Variants in SCAP observed in about 807,000 individuals in gnomAD.
SCAP encodes SREBF chaperone, also known as sterol regulatory element-binding protein cleavage-activating protein.
Under a neutral mutation model 123.6 loss-of-function variants are expected in SCAP, and 65 were observed. That is an observed-to-expected ratio of 0.53 (90% CI 0.43 to 0.65). SCAP has a LOEUF of 0.65. Ranked by LOEUF, SCAP falls within the 30% of genes least tolerant of loss-of-function variation. SCAP has a pLI of 0.00. For synonymous variants in SCAP, 740 were observed against 726.3 expected, an observed-to-expected ratio of 1.02 and a Z score of -0.30; for missense variants, 1,398 against 1,712.5, an observed-to-expected ratio of 0.82 and a Z score of 3.24.
chr3:47,433,636 G>A (rs947065727), intron 3 of SCAP, among the ~76,000 whole-genome samples: 2 of 152,206 alleles, frequency 1.3e-5, no homozygotes, highest in Non-Finnish European at 2.9e-5. Flanking sequence ...GGAGGCTGAG[G>A]CAGGTGGATC....
chr3:47,457,636 G>A (rs1486592870), intron 1 of SCAP, among the ~76,000 whole-genome samples: 6 of 152,118 alleles, frequency 3.9e-5, no homozygotes, highest in Admixed American at 6.6e-5. Flanking sequence ...GGCCGGGCAC[G>A]GTGGCTCACG....
chr3:47,455,969 C>G (rs929247198), intron 1 of SCAP, among the ~76,000 whole-genome samples: 1 of 152,056 alleles, frequency 6.6e-6, no homozygotes, highest in African/African-American at 2.4e-5. Context: ...CAGGAATAGA[C>G]CAAAATGTAC....
chr3:47,438,183 A>C (rs994283787), intron 2 of SCAP, among the ~76,000 whole-genome samples: 2 of 152,258 alleles, frequency 1.3e-5, no homozygotes, highest in African/African-American at 4.8e-5. Flanking sequence ...CGCCTCTTCA[A>C]GTCTTTTGAC....
chr3:47,435,469 TACACACACACACACACACACACACAC>T (rs57702290), intron 2 of SCAP, among the ~76,000 whole-genome samples: 12 of 91,910 alleles, frequency 1.3e-4, no homozygotes, highest in East Asian at 5.7e-4. Flanking sequence ...AATATAAACA[TACACACACACACACACACACACACAC>T]ACACACACAC....
chr3:47,436,413 A>G lies in SCAP; in HGVS notation c.123-1276T>C, dbSNP rs184298880. ...TTGGGAGAGGCCAAGCGGGCGGATC[A>G]TTTGAGCTCAGGAGTTTGAGACCAG... On this transcript the variant is annotated intron_variant, in intron 2 of 22. Transcript: ENST00000265565. Among the ~76,000 whole-genome samples, 12 of 152,326 alleles carry G rather than the reference A, an allele frequency of 7.9e-5. No homozygotes were observed. In the East Asian group the frequency reaches 2.3e-3, roughly 29 times the overall value.
chr3:47,467,595 C>T (rs987542231), intron 1 of SCAP, among the ~76,000 whole-genome samples: 1 of 151,246 alleles, frequency 6.6e-6, no homozygotes, highest in East Asian at 1.9e-4. Context: ...GCAAGAAGAC[C>T]CCGTCTCAAG....
chr3:47,454,769 C>CAT (rs946597351), intron 1 of SCAP, among the ~76,000 whole-genome samples: 11 of 151,444 alleles, frequency 7.3e-5, no homozygotes, highest in African/African-American at 1.2e-4. Flanking sequence ...AAAAAATACA[C>CAT]ATATATATAT....
intron 18 of SCAP, among the ~76,000 whole-genome samples, chr3:47,416,601 T>G (rs1705583119): frequency 7.0e-6 from 1 of 143,802 alleles, no homozygotes; most frequent in South Asian, 2.2e-4. Flanking sequence ...TCCAAGCACG[T>G]CACACCCCTA....
In SCAP at chr3:47,465,409, C is replaced by T. The variant is rs1707786270; in HGVS notation, c.-99+10390G>A. 2.6e-5 allele frequency among the ~76,000 whole-genome samples: 4 copies of T among 152,084 alleles called. No individual in the cohort carries two copies. In the South Asian group the frequency reaches 8.3e-4, roughly 32 times the overall value. On this transcript the variant is annotated intron_variant, in intron 1 of 22. Coordinates refer to ENST00000265565, the MANE Select transcript of SCAP (RefSeq NM_012235.4). ...TGGGAAGACAATATTCTTTAAATGA[C>T]AACGTTATCCAAAGCTATCTACAAA... is the stretch of plus-strand genomic sequence containing the variant.
intron 1 of SCAP, among the ~76,000 whole-genome samples, chr3:47,447,659 A>G (rs1431180385): frequency 6.6e-6 from 1 of 151,876 alleles, no homozygotes; most frequent in Non-Finnish European, 1.5e-5. Context: ...ATTGCACTCC[A>G]GCCTGGGCAA....
chr3:47,415,779 A>G (rs1055421976), intron 18 of SCAP, among the ~76,000 whole-genome samples: 1 of 152,202 alleles, frequency 6.6e-6, no homozygotes, highest in Non-Finnish European at 1.5e-5. Context: ...GGGAAAGGCA[A>G]TGCATGTCTG....
At chr3:47,437,644 TA>T (rs1706635114) in intron 2 of SCAP, among the ~76,000 whole-genome samples, 1 of 151,426 alleles carries the variant, frequency 6.6e-6, no homozygotes. Flanking sequence ...TCGGGAGGCT[TA>T]AGTGGGAGGA....
intron 2 of SCAP, among the ~76,000 whole-genome samples, chr3:47,436,562 G>C (rs541888643): frequency 6.6e-6 from 1 of 152,146 alleles, no homozygotes; most frequent in South Asian, 2.1e-4. Flanking sequence ...CTGGGAGGTA[G>C]AGGCTGCAGT....
At chr3:47,434,511 G>A (rs1466067963) in intron 3 of SCAP, among the ~76,000 whole-genome samples, 2 of 152,202 alleles carry the variant, frequency 1.3e-5, no homozygotes, top group Non-Finnish European at 2.9e-5. Context: ...CCAGAAGGAG[G>A]AGTGGGCTGG....
chr3:47,457,871 C>T (rs1156366161), intron 1 of SCAP, among the ~76,000 whole-genome samples: 2 of 152,172 alleles, frequency 1.3e-5, no homozygotes, highest in African/African-American at 4.8e-5. Context: ...GGCGCCACTG[C>T]ACTCCAGCCT....
intron 1 of SCAP, among the ~76,000 whole-genome samples, chr3:47,473,435 C>T (rs879828267): frequency 6.6e-6 from 1 of 152,114 alleles, no homozygotes; most frequent in Non-Finnish European, 1.5e-5. Context: ...CAAGTTCTAA[C>T]GGAAGGAGCT....
At chr3:47,425,418 C>T (rs1475846371) in intron 8 of SCAP, 67 bp downstream of exon 8, 2 of 1,536,526 alleles carry the variant, frequency 1.3e-6, no homozygotes, top group African/African-American at 2.8e-5. Context: ...AGGCCAAGAA[C>T]CCAGAAGTGC....
At chr3:47,455,379 G>A (rs910390962) in intron 1 of SCAP, among the ~76,000 whole-genome samples, 2 of 151,534 alleles carry the variant, frequency 1.3e-5, no homozygotes, top group African/African-American at 2.4e-5. Context: ...CAGATCACCT[G>A]AAGTCAGGAG....
intron 1 of SCAP, among the ~76,000 whole-genome samples, chr3:47,453,130 T>C (rs923470426): frequency 5.3e-5 from 8 of 152,052 alleles, no homozygotes; most frequent in African/African-American, 1.4e-4. Context: ...GTGATAGATA[T>C]CCAAAACCAC....
Sources: gnomAD v4.1 joint callset for allele counts (sites outside exome capture counted in the v4.1 genomes callset) on GRCh38, gnomAD v4.1.1 for gene constraint, MANE v1.5 for transcripts, NCBI Gene and HGNC (gene_info 2026-07-23, HGNC 2026-07-21) for gene names.